The following SLIT3 variants were observed in gnomAD, a reference collection of about 807,000 sequenced individuals.
The protein encoded by SLIT3 is slit guidance ligand 3.
A neutral mutation model predicts 184.0 loss-of-function variants in SLIT3; 68 were observed. That is an observed-to-expected ratio of 0.37 (90% CI 0.30 to 0.45). The LOEUF is 0.45. Ranked by LOEUF, SLIT3 falls within the 20% of genes least tolerant of loss-of-function variation. The pLI is 1.00. For synonymous variants in SLIT3, 831 were observed against 828.6 expected (o/e 1.00, Z -0.05); for missense variants, 1,707 against 2,026.0 (o/e 0.84, Z 3.02).
chr5:168,868,725 G>C (rs1484748130), intron 5 of SLIT3, among the ~76,000 whole-genome samples: 1 of 144,678 alleles, frequency 6.9e-6, no homozygotes, highest in East Asian at 2.0e-4. Flanking sequence ...ACCAGCCCGG[G>C]TGGCAGTGTG....
chr5:168,794,715 G>T (rs1756505268), intron 10 of SLIT3, among the ~76,000 whole-genome samples: 1 of 152,190 alleles, frequency 6.6e-6, no homozygotes, highest in Non-Finnish European at 1.5e-5. Flanking sequence ...ATGTGATCTA[G>T]TACCAACTTT....
At chr5:168,924,167 T>C (rs549441096) in intron 4 of SLIT3, among the ~76,000 whole-genome samples, 2 of 152,224 alleles carry the variant, frequency 1.3e-5, no homozygotes, top group Non-Finnish European at 2.9e-5. Flanking sequence ...TGCTCTGTCA[T>C]TTCAGTCATG....
intron 4 of SLIT3, among the ~76,000 whole-genome samples, chr5:169,176,085 C>A (rs1310535324): frequency 1.3e-5 from 2 of 152,102 alleles, no homozygotes; most frequent in Non-Finnish European, 2.9e-5. Flanking sequence ...TACTTCTGGG[C>A]CTGCTCCACC....
Position 168,751,795 on chromosome 5 carries a change from T to C in SLIT3, c.1973+1160A>G, listed in dbSNP as rs763790480. 4.4e-4 allele frequency among the ~76,000 whole-genome samples: 66 copies of C among 151,354 alleles called. 1 individual carries two copies. Among genetic ancestry groups the C allele is most frequent in the Non-Finnish European group, 7.9e-4 (54 of 67,940 alleles). ...GTTGCCAGGCTGGAGTGGAGTGCAG[T>C]GGCACAATCTCGAGTCACTGCAACC... is the stretch of plus-strand genomic sequence containing the variant. On this transcript the variant is annotated intron_variant, in intron 18 of 35. Coordinates refer to ENST00000519560, the MANE Select transcript of SLIT3 (RefSeq NM_003062.4).
chr5:169,000,123 G>A (rs1272825843), intron 4 of SLIT3, among the ~76,000 whole-genome samples: 1 of 152,090 alleles, frequency 6.6e-6, no homozygotes, highest in African/African-American at 2.4e-5. Flanking sequence ...AGTTATGGCC[G>A]GGTGCGGTGG....
At chr5:169,210,325 A>T (rs10064658) in intron 3 of SLIT3, among the ~76,000 whole-genome samples, 47,390 of 152,070 alleles carry the variant, frequency 0.31, 8,340 homozygotes, top group East Asian at 0.69. Flanking sequence ...GCACAAAAAA[A>T]TTTACTTGCA....
intron 4 of SLIT3, among the ~76,000 whole-genome samples, chr5:169,149,774 G>C (rs1762051269): frequency 6.6e-6 from 1 of 152,226 alleles, no homozygotes; most frequent in African/African-American, 2.4e-5. Context: ...CGAGTCAGGT[G>C]AGATGGTCAA....
At chr5:168,701,377 G>A (rs867603580) in intron 26 of SLIT3, among the ~76,000 whole-genome samples, 4 of 152,288 alleles carry the variant, frequency 2.6e-5, no homozygotes, top group Middle Eastern at 3.4e-3. Context: ...GTATTCTAAA[G>A]TTCTGAAGGT....
At chr5:169,073,991 C>T (rs763060800) in intron 4 of SLIT3, among the ~76,000 whole-genome samples, 1 of 152,154 alleles carries the variant, frequency 6.6e-6, no homozygotes, top group Non-Finnish European at 1.5e-5. Context: ...TTTTATCAAT[C>T]AGACAGAATA....
intron 4 of SLIT3, among the ~76,000 whole-genome samples, chr5:168,886,103 A>T (rs943445470): frequency 2.0e-5 from 3 of 152,218 alleles, no homozygotes; most frequent in South Asian, 4.1e-4. Flanking sequence ...CCAATTGAGC[A>T]AAACAGTAGA....
chr5:169,218,651 T>C (rs1470558397), intron 3 of SLIT3, among the ~76,000 whole-genome samples: 1 of 152,234 alleles, frequency 6.6e-6, no homozygotes, highest in Non-Finnish European at 1.5e-5. Flanking sequence ...CATTTCTTCA[T>C]CTAGGCAAAG....
intron 4 of SLIT3, among the ~76,000 whole-genome samples, chr5:169,014,778 C>A (rs941932485): frequency 2.0e-5 from 3 of 152,250 alleles, no homozygotes; most frequent in Non-Finnish European, 2.9e-5. Context: ...TGGTGAAACC[C>A]TGTCTCTACT....
Position 168,749,495 on chromosome 5 carries a change from G to A in SLIT3, c.2114C>T (p.Ala705Val). 6.2e-7 allele frequency: 1 copy of A among 1,614,142 alleles called. No individual in the cohort carries two copies. Among genetic ancestry groups the A allele is most frequent in the Non-Finnish European group, 8.5e-7 (1 of 1,180,004 alleles). ...ACCATCACAGGTGAAGTCCTGGATG[G>A]CCACATCCTGGATGGGAATCTCCTT... ...FLKEIPIQDVAIQDFTCDGNE... is the reference protein window; with the variant it reads ...FLKEIPIQDVVIQDFTCDGNE... The change falls in exon 19 of 36, where the codon GCC (alanine) becomes GTC (valine). Residue 705 changes from alanine (A) to valine (V), a missense_variant. Physicochemically the swap from Ala to Val is moderately conservative, Grantham distance 64 (BLOSUM62 0). Coordinates refer to ENST00000519560, the MANE Select transcript of SLIT3 (RefSeq NM_003062.4).
intron 1 of SLIT3, among the ~76,000 whole-genome samples, chr5:169,287,829 G>A (rs1767210336): frequency 6.6e-6 from 1 of 152,176 alleles, no homozygotes; most frequent in Admixed American, 6.5e-5. Flanking sequence ...AATGCTGCCT[G>A]AGAACCTGCC....
At chr5:168,738,810 C>A (rs1165092738) in intron 20 of SLIT3, among the ~76,000 whole-genome samples, 3 of 151,864 alleles carry the variant, frequency 2.0e-5, no homozygotes, top group Non-Finnish European at 1.5e-5. Context: ...CGGTGGCGGG[C>A]GCCTGTAGTC....
intron 4 of SLIT3, among the ~76,000 whole-genome samples, chr5:168,898,902 A>G (rs984794217): frequency 3.3e-5 from 5 of 152,164 alleles, no homozygotes; most frequent in Non-Finnish European, 5.9e-5. Flanking sequence ...GAAAGGAGAA[A>G]CAGCCTCCAC....
At chr5:169,072,258 T>C (rs535809645) in intron 4 of SLIT3, among the ~76,000 whole-genome samples, 2 of 152,298 alleles carry the variant, frequency 1.3e-5, no homozygotes, top group South Asian at 2.1e-4. Context: ...GAAAATGCAC[T>C]GGCATCAGAC....
intron 4 of SLIT3, among the ~76,000 whole-genome samples, chr5:168,937,891 T>G (rs1762211340): frequency 6.6e-6 from 1 of 150,552 alleles, no homozygotes; most frequent in Non-Finnish European, 1.5e-5. Flanking sequence ...TTTTTTTTTT[T>G]TCCCAAAGCA....
intron 8 of SLIT3, among the ~76,000 whole-genome samples, chr5:168,814,788 G>C (rs574409557): frequency 7.9e-5 from 12 of 152,220 alleles, no homozygotes; most frequent in Non-Finnish European, 1.3e-4. Context: ...TTGCACCCAC[G>C]TAATAGCAGA....
Sources: allele counts gnomAD v4.1 joint callset (sites outside exome capture counted in the v4.1 genomes callset), GRCh38; gene constraint gnomAD v4.1.1; transcripts MANE v1.5; gene names NCBI Gene and HGNC (gene_info 2026-07-23, HGNC 2026-07-21).